The following AGK variants were observed in gnomAD, a reference collection of about 807,000 sequenced individuals.
The protein encoded by AGK is acylglycerol kinase.
AGK carries 52 observed loss-of-function variants against 66.4 expected under a neutral mutation model. The ratio of observed to expected loss-of-function variants is 0.78; its 90% CI spans 0.63 to 0.99. The LOEUF (loss-of-function observed/expected upper bound fraction) is 0.99, where lower values mean the gene tolerates loss of function less well. Ranked by LOEUF, AGK falls within the 50% of genes least tolerant of loss-of-function variation. The probability of loss-of-function intolerance (pLI) is 0.00; values close to 1 mark genes in which losing one functional copy is unlikely to be tolerated. For missense variants in AGK, 451 were observed against 506.6 expected (o/e 0.89, Z 1.05); for synonymous variants, 182 against 181.1 (o/e 1.00, Z -0.04).
intron 4 of AGK, among the ~76,000 whole-genome samples, chr7:141,597,696 C>T (rs1307351417): frequency 6.6e-6 from 1 of 151,472 alleles, no homozygotes; most frequent in African/African-American, 2.4e-5. Flanking sequence ...CATGGTGAAA[C>T]TCTGTCTCTA....
chr7:141,568,069 T>C (rs1795507366), intron 2 of AGK, among the ~76,000 whole-genome samples: 1 of 152,192 alleles, frequency 6.6e-6, no homozygotes, highest in Admixed American at 6.5e-5. Context: ...TACTCAGCCC[T>C]GTGGAAGTTA....
chr7:141,573,044 G>A (rs996266103), intron 2 of AGK, among the ~76,000 whole-genome samples: 2 of 152,140 alleles, frequency 1.3e-5, no homozygotes, highest in African/African-American at 4.8e-5. Context: ...AGGTAGGGAG[G>A]TTTTTTTCCC....
intron 2 of AGK, chr7:141,562,007 T>C: frequency 2.2e-6 from 1 of 455,962 alleles, no homozygotes; most frequent in Non-Finnish European, 4.4e-6. Flanking sequence ...AGTCCTGTGA[T>C]GTAATCCATA....
At chr7:141,625,211 T>G (rs1212915644) in intron 9 of AGK, among the ~76,000 whole-genome samples, 1 of 152,260 alleles carries the variant, frequency 6.6e-6, no homozygotes, top group African/African-American at 2.4e-5. Context: ...AACCAAAAAG[T>G]TTTTTTGACT....
At chr7:141,640,631 G>A (rs1194207327) in intron 11 of AGK, among the ~76,000 whole-genome samples, 1 of 152,184 alleles carries the variant, frequency 6.6e-6, no homozygotes, top group East Asian at 1.9e-4. Context: ...GGAAATGGGT[G>A]GATGTGGTGA....
At chr7:141,644,714 G>T (rs767385789) in intron 13 of AGK, among the ~76,000 whole-genome samples, 3 of 152,092 alleles carry the variant, frequency 2.0e-5, no homozygotes, top group Non-Finnish European at 2.9e-5. Context: ...TTGCAACATA[G>T]TTCCATTTTT....
In AGK at chr7:141,653,954, T is replaced by G. The variant is rs916795187; in HGVS notation, c.*1030T>G. 3 of 152,220 alleles carry G rather than the reference T, an allele frequency of 2.0e-5. No homozygotes were observed. Among genetic ancestry groups the G allele is most frequent in the Non-Finnish European group, 2.9e-5 (2 of 68,048 alleles). The allele number at this position is 152,220 out of a possible 1,614,324, so 9.4% of individuals were successfully genotyped here. A position where few individuals can be genotyped will look rare whatever the true frequency, so the allele number is the denominator to read the frequency against. ...ATCACAACAATTTGACACCCTTCATTCATTTATAAAAATAAATGAGCTAGT... is the reference window on the plus strand; with the variant it reads ...ATCACAACAATTTGACACCCTTCATGCATTTATAAAAATAAATGAGCTAGT... On this transcript the variant is annotated 3_prime_UTR_variant, in exon 16 of 16. Coordinates refer to ENST00000649286, the MANE Select transcript of AGK (RefSeq NM_018238.4).
At chr7:141,581,765 A>G (rs1795884968) in intron 2 of AGK, among the ~76,000 whole-genome samples, 1 of 151,906 alleles carries the variant, frequency 6.6e-6, no homozygotes, top group South Asian at 2.1e-4. Flanking sequence ...AGGAACAGTC[A>G]GGGAGGCAGA....
chr7:141,614,625 A>G (rs1377969876), intron 7 of AGK, among the ~76,000 whole-genome samples: 1 of 145,248 alleles, frequency 6.9e-6, no homozygotes, highest in South Asian at 2.6e-4. Flanking sequence ...TCAGAAAACA[A>G]TACTATGTAT....
In AGK at chr7:141,611,280, T is replaced by C; in HGVS notation, c.383T>C (p.Leu128Pro). The C allele has an allele frequency of 6.2e-7, 1 of 1,611,092 alleles. No homozygotes were observed. The highest frequency in any genetic ancestry group is 8.5e-7 in the Non-Finnish European group (1 of 1,178,112). Residue 128 changes from leucine to proline, a missense_variant, in exon 6 of 16, where the codon CTG becomes CCG. Transcript: ENST00000649286. ...ATTGTTGCAGGAGGAGATGGGACAC[T>C]GCAGGAGGTATGACTGTTTTTCTCT... ...VIIVAGGDGT[L>P]QEVVTGVLRR...
At chr7:141,620,509 C>A (rs1474363296) in intron 8 of AGK, among the ~76,000 whole-genome samples, 2 of 137,054 alleles carry the variant, frequency 1.5e-5, no homozygotes, top group Non-Finnish European at 3.3e-5. Flanking sequence ...AAACTGCTGC[C>A]CCCAAGATTG....
chr7:141,617,327 G>T (rs1796729090), intron 8 of AGK, among the ~76,000 whole-genome samples: 2 of 152,102 alleles, frequency 1.3e-5, no homozygotes, highest in African/African-American at 4.8e-5. Flanking sequence ...TCAGTTTGGG[G>T]GAACTGATTT....
intron 2 of AGK, among the ~76,000 whole-genome samples, chr7:141,571,769 A>G (rs1051887566): frequency 6.6e-6 from 1 of 152,212 alleles, no homozygotes; most frequent in Non-Finnish European, 1.5e-5. Flanking sequence ...TAACTGTTCT[A>G]TGTTTCAAGT....
Position 141,598,572 on chromosome 7 carries a change from G to A in AGK, c.221+1931G>A, listed in dbSNP as rs1030927395. 2.0e-5 allele frequency among the ~76,000 whole-genome samples: 3 copies of A among 152,152 alleles called. No homozygotes were observed. The highest frequency in any genetic ancestry group is 7.2e-5 in the African/African-American group (3 of 41,432). On this transcript the variant is annotated intron_variant, in intron 4 of 15. Transcript: ENST00000649286. This position sits in a 1 kb window ranked among gnomAD's most constrained non-coding sequence, Gnocchi z 4.2. Reference sequence around the variant, plus strand: ...ACTTTAAAAATTATTATGTGGAATAGGGACCTTTGGTATTAAATGAGATAA... The same window carrying A: ...ACTTTAAAAATTATTATGTGGAATAAGGACCTTTGGTATTAAATGAGATAA...
At position 141,653,004 on chromosome 7, in the gene AGK, A is replaced by C. The variant is rs1365070321; in HGVS notation, c.*80A>C. On this transcript the variant is annotated 3_prime_UTR_variant, in exon 16 of 16. Transcript: ENST00000649286. Reference sequence around the variant, plus strand: ...AGGGAACAGGTGCCTCAGCCATCCCAACAGTGTCGTCAGAGGGTCCCCAGG... The same window carrying C: ...AGGGAACAGGTGCCTCAGCCATCCCCACAGTGTCGTCAGAGGGTCCCCAGG... 8.3e-6 allele frequency: 13 copies of C among 1,565,846 alleles called. No homozygotes were observed. The highest frequency in any genetic ancestry group is 3.4e-5 in the Admixed American group (2 of 58,078).
chr7:141,632,730 G>A (rs1797085911), intron 9 of AGK, among the ~76,000 whole-genome samples: 1 of 152,168 alleles, frequency 6.6e-6, no homozygotes, highest in South Asian at 2.1e-4. Context: ...TTTTTTCTCT[G>A]CCATTTCTCT....
At chr7:141,576,452 T>G (rs1341223079) in intron 2 of AGK, among the ~76,000 whole-genome samples, 1 of 151,530 alleles carries the variant, frequency 6.6e-6, no homozygotes, top group African/African-American at 2.4e-5. Context: ...GTGAGTAGTT[T>G]GGCAGGAAGG....
intron 2 of AGK, among the ~76,000 whole-genome samples, chr7:141,564,411 G>A (rs1045264460): frequency 1.3e-5 from 2 of 152,064 alleles, no homozygotes; most frequent in African/African-American, 4.8e-5. Flanking sequence ...TGACAGCAAG[G>A]AGAAGTGCTG....
At position 141,642,959 on chromosome 7, in the gene AGK, A is replaced by G. The variant is rs186867553; in HGVS notation, c.975+1051A>G. Reference sequence around the variant, plus strand: ...GTAATTTATATCAATGAGAATGCCAATAGGAAAGTAATTGTTAACTGTGGA... The same window carrying G: ...GTAATTTATATCAATGAGAATGCCAGTAGGAAAGTAATTGTTAACTGTGGA... On this transcript the variant is annotated intron_variant, in intron 13 of 15. Coordinates refer to ENST00000649286, the MANE Select transcript of AGK (RefSeq NM_018238.4). Among the ~76,000 whole-genome samples the G allele has an allele frequency of 5.0e-4, 76 of 152,350 alleles. 1 individual carries two copies. The highest frequency in any genetic ancestry group is 4.1e-3 in the East Asian group (21 of 5,182).
Sources: allele counts gnomAD v4.1 joint callset (sites outside exome capture counted in the v4.1 genomes callset), GRCh38; gene constraint gnomAD v4.1.1; non-coding constraint Gnocchi (gnomAD v3.1); transcripts MANE v1.5; gene names NCBI Gene and HGNC (gene_info 2026-07-23, HGNC 2026-07-21).